The following CSMD1 variants were observed in gnomAD, a reference collection of about 807,000 sequenced individuals.
CSMD1 encodes the protein CUB and Sushi multiple domains 1, also known as CUB and sushi domain-containing protein 1.
CSMD1 carries 213 observed loss-of-function variants against 417.5 expected under a neutral mutation model. The ratio of observed to expected loss-of-function variants is 0.51; its 90% CI spans 0.46 to 0.57. The LOEUF (loss-of-function observed/expected upper bound fraction) is 0.57. CSMD1 is among the 20% of genes least tolerant of loss of function. The pLI is 0.00. For synonymous variants in CSMD1, 2,862 were observed against 1,736.8 expected (o/e 1.65, Z -16.11); for missense variants, 6,923 against 4,529.7 (o/e 1.53, Z -15.17).
intron 3 of CSMD1, among the ~76,000 whole-genome samples, chr8:4,250,987 G>A (rs1269657077): frequency 6.6e-6 from 1 of 152,132 alleles, no homozygotes; most frequent in Non-Finnish European, 1.5e-5. Context: ...ATTAGACACT[G>A]ATATTTCCTA....
At chr8:4,050,982 G>C (rs1041646923) in intron 3 of CSMD1, among the ~76,000 whole-genome samples, 1 of 152,062 alleles carries the variant, frequency 6.6e-6, no homozygotes, top group African/African-American at 2.4e-5. Flanking sequence ...AGATGGAGGA[G>C]GAGTGACATG....
intron 5 of CSMD1, among the ~76,000 whole-genome samples, chr8:3,937,767 T>C (rs1353063706): frequency 6.6e-6 from 1 of 152,116 alleles, no homozygotes; most frequent in Admixed American, 6.6e-5. Flanking sequence ...TGTAATATAT[T>C]TTTCTGTCAT....
chr8:4,679,837 T>C (rs1805925939), intron 1 of CSMD1, among the ~76,000 whole-genome samples: 1 of 152,126 alleles, frequency 6.6e-6, no homozygotes, highest in African/African-American at 2.4e-5. Context: ...AAATATGTAA[T>C]AGATTAAATA....
intron 7 of CSMD1, among the ~76,000 whole-genome samples, chr8:3,670,293 T>C (rs1798921342): frequency 6.6e-6 from 1 of 151,976 alleles, no homozygotes; most frequent in South Asian, 2.1e-4. Context: ...ATCCTTCTCC[T>C]GTGCCGGATG....
At chr8:4,561,325 G>A (rs972813915) in intron 2 of CSMD1, among the ~76,000 whole-genome samples, 1 of 152,164 alleles carries the variant, frequency 6.6e-6, no homozygotes, top group Non-Finnish European at 1.5e-5. Context: ...AGTGAATCGA[G>A]ATCATGCCAC....
At chr8:3,756,052 C>T (rs1013534867) in intron 5 of CSMD1, among the ~76,000 whole-genome samples, 3 of 151,970 alleles carry the variant, frequency 2.0e-5, no homozygotes, top group Admixed American at 6.6e-5. Flanking sequence ...ACTGAACTTA[C>T]AGGTACTTTA....
intron 1 of CSMD1, among the ~76,000 whole-genome samples, chr8:4,732,913 G>A (rs1409160443): frequency 6.6e-6 from 1 of 152,090 alleles, no homozygotes; most frequent in Non-Finnish European, 1.5e-5. Context: ...CTGCTGGGAT[G>A]GCAGAGGAGA....
intron 1 of CSMD1, among the ~76,000 whole-genome samples, chr8:4,858,379 A>G (rs35788971): frequency 0.023 from 3,501 of 150,940 alleles, 43 homozygotes; most frequent in Middle Eastern, 0.031. Context: ...CTCTCTCACC[A>G]CTCCTATTCA....
intron 3 of CSMD1, among the ~76,000 whole-genome samples, chr8:4,245,872 C>G (rs1015284697): frequency 6.6e-6 from 1 of 152,144 alleles, no homozygotes; most frequent in Non-Finnish European, 1.5e-5. Context: ...CATAGGACAT[C>G]TCACAGGGTA....
rs115332981 is a variant in CSMD1 at position 4,210,596 on chromosome 8, G to C, written c.416-178497C>G. Among the ~76,000 whole-genome samples, 254 of 152,006 alleles carry C rather than the reference G, an allele frequency of 1.7e-3. 1 individual carries two copies. Among genetic ancestry groups the C allele is most frequent in the African/African-American group, 5.7e-3 (235 of 41,456 alleles). ...TCTGACCAATTTTCTAAAATGTTTAGAGCAAAACAATAGCTAATTAAATAA... is the reference window on the plus strand; with the variant it reads ...TCTGACCAATTTTCTAAAATGTTTACAGCAAAACAATAGCTAATTAAATAA... On this transcript the variant is annotated intron_variant, in intron 3 of 69. Transcript: ENST00000635120.
At chr8:3,722,149 G>C (rs991679776) in intron 6 of CSMD1, among the ~76,000 whole-genome samples, 1 of 151,982 alleles carries the variant, frequency 6.6e-6, no homozygotes, top group Non-Finnish European at 1.5e-5. Flanking sequence ...TTGAGACTAA[G>C]AATGCAAAAA....
intron 3 of CSMD1, among the ~76,000 whole-genome samples, chr8:4,216,309 G>C (rs895937579): frequency 2.6e-5 from 4 of 151,894 alleles, no homozygotes; most frequent in African/African-American, 9.7e-5. Flanking sequence ...AATTCTATCT[G>C]TCACCTCAGT....
At chr8:4,949,626 A>T (rs1438143161) in intron 1 of CSMD1, among the ~76,000 whole-genome samples, 1 of 152,118 alleles carries the variant, frequency 6.6e-6, no homozygotes, top group Non-Finnish European at 1.5e-5. Context: ...CACATCCCCA[A>T]CCAAGAAGCA....
At chr8:3,883,428 G>T (rs1051135367) in intron 5 of CSMD1, among the ~76,000 whole-genome samples, 1 of 152,122 alleles carries the variant, frequency 6.6e-6, no homozygotes, top group African/African-American at 2.4e-5. Context: ...GTATGTGTGT[G>T]TATGTTTGTG....
At chr8:4,162,719 G>C (rs554054230) in intron 3 of CSMD1, among the ~76,000 whole-genome samples, 5 of 152,148 alleles carry the variant, frequency 3.3e-5, no homozygotes, top group African/African-American at 1.2e-4. Context: ...TGGTGCATTT[G>C]TTCCAATCGA....
At chr8:3,274,477 T>C (rs1279594965) in intron 26 of CSMD1, among the ~76,000 whole-genome samples, 1 of 152,136 alleles carries the variant, frequency 6.6e-6, no homozygotes, top group African/African-American at 2.4e-5. Context: ...AGTTCCTGGG[T>C]ATGCTTGTTG....
chr8:4,384,848 C>T (rs1026833435), intron 3 of CSMD1, among the ~76,000 whole-genome samples: 4 of 152,008 alleles, frequency 2.6e-5, no homozygotes, highest in African/African-American at 9.7e-5. Flanking sequence ...AAAGAGGCTA[C>T]TGTTTGATCT....
chr8:3,201,757 G>A (rs1296410309), intron 31 of CSMD1, 32 bp from the exon 32 acceptor site: 3 of 1,325,578 alleles, frequency 2.3e-6, no homozygotes, highest in Non-Finnish European at 3.2e-6. Flanking sequence ...GTTGGCACAA[G>A]ATGCTCTAAG....
At chr8:3,971,919 T>A (rs977555017) in intron 5 of CSMD1, among the ~76,000 whole-genome samples, 10 of 152,182 alleles carry the variant, frequency 6.6e-5, no homozygotes, top group African/African-American at 2.4e-4. Context: ...TGTTTGTCTA[T>A]TTTTTTGAGA....
Sources: allele counts gnomAD v4.1 joint callset (sites outside exome capture counted in the v4.1 genomes callset), GRCh38; gene constraint gnomAD v4.1.1; transcripts MANE v1.5; gene names NCBI Gene and HGNC (gene_info 2026-07-23, HGNC 2026-07-21).